The following NEMP2 variants were observed in gnomAD, a reference collection of about 807,000 sequenced individuals.
NEMP2 encodes nuclear envelope integral membrane protein 2.
In NEMP2, 53 loss-of-function variants were observed where a neutral mutation model predicts 54.2. The ratio of observed to expected loss-of-function variants is 0.98; its 90% CI spans 0.78 to 1.23. The LOEUF (loss-of-function observed/expected upper bound fraction) is 1.23. Among genes scored for constraint, NEMP2 ranks in the 50% most tolerant of loss-of-function variants. NEMP2 has a pLI of 0.00. For synonymous variants in NEMP2, 197 were observed against 190.3 expected (o/e 1.04, Z -0.29); for missense variants, 455 against 511.3 (o/e 0.89, Z 1.06).
At chr2:190,482,877 T>TG in the NEMP2 span, among the ~76,000 whole-genome samples, 2 of 28,230 alleles carry the variant, frequency 7.1e-5, no homozygotes, top group Non-Finnish European at 1.9e-4. Flanking sequence ...TCTTTTTTTT[T>TG]TTTTTTTTTT....
the NEMP2 span, among the ~76,000 whole-genome samples, chr2:190,583,484 G>C: frequency 2.2e-4 from 33 of 152,312 alleles, 1 homozygote; most frequent in South Asian, 6.4e-3. Flanking sequence ...GTCTTCCTTA[G>C]ATAAATACTG....
chr2:190,615,678 G>A, the NEMP2 span, among the ~76,000 whole-genome samples: 1 of 152,160 alleles, frequency 6.6e-6, no homozygotes, highest in African/African-American at 2.4e-5. The surrounding 1 kb of genome is among the most constrained non-coding windows in gnomAD (Gnocchi z 4.7). Flanking sequence ...TTCCAAACCT[G>A]TAATCACTAG....
At chr2:190,458,968 T>C in the NEMP2 span, among the ~76,000 whole-genome samples, 2 of 152,188 alleles carry the variant, frequency 1.3e-5, no homozygotes, top group African/African-American at 4.8e-5. This position sits in a 1 kb window ranked among gnomAD's most constrained non-coding sequence, Gnocchi z 5.3. Context: ...TAGCAGAAGG[T>C]AAAACAAGAA....
the NEMP2 span, among the ~76,000 whole-genome samples, chr2:190,586,068 A>G: frequency 6.6e-6 from 1 of 152,262 alleles, no homozygotes; most frequent in African/African-American, 2.4e-5. The surrounding 1 kb of genome is among the most constrained non-coding windows in gnomAD (Gnocchi z 4.5). Flanking sequence ...TTTTCTCTCC[A>G]TCAGTTCAGA....
the NEMP2 span, among the ~76,000 whole-genome samples, chr2:190,428,347 A>G: frequency 6.6e-5 from 10 of 152,310 alleles, no homozygotes; most frequent in East Asian, 1.7e-3. Context: ...TGGTTGTCAT[A>G]GGGTCTTACA....
At chr2:190,518,358 T>C (rs942279389) in intron 4 of NEMP2, among the ~76,000 whole-genome samples, 4 of 152,250 alleles carry the variant, frequency 2.6e-5, no homozygotes, top group African/African-American at 7.2e-5. Context: ...TCTAATGTAA[T>C]AGAGCAAGGT....
chr2:190,453,842 A>G, the NEMP2 span, among the ~76,000 whole-genome samples: 2 of 152,188 alleles, frequency 1.3e-5, no homozygotes, highest in Non-Finnish European at 2.9e-5. Flanking sequence ...GGTAAGTGCA[A>G]TGTAAACTGA....
chr2:190,530,479 A>T lies in NEMP2; in HGVS notation c.97+4080T>A, dbSNP rs1194430072. 1.3e-5 allele frequency among the ~76,000 whole-genome samples: 2 copies of T among 152,224 alleles called. No individual in the cohort carries two copies. The highest frequency in any genetic ancestry group is 2.9e-5 in the Non-Finnish European group (2 of 68,046). On this transcript the variant is annotated intron_variant, in intron 1 of 8. Transcript: ENST00000409150. This position sits in a 1 kb window ranked among gnomAD's most constrained non-coding sequence, Gnocchi z 4.6. The stretch of plus-strand genomic sequence containing the variant: ...CACAAGCCTAGCTTCAAGTCAGTTC[A>T]TTAAGCCACGGGCTATTTGGACTAG...
In NEMP2 at chr2:190,512,334, T is replaced by C. The variant is rs1319246852; in HGVS notation, c.954-1797A>G. On this transcript the variant is annotated intron_variant, in intron 7 of 8. Transcript: ENST00000409150. The surrounding 1 kb of genome is among the most constrained non-coding windows in gnomAD (Gnocchi z 4.5). ...ATATTTTGTGTAGGGTTCTTAGCAC[T>C]GTAAGTGGCCTATAGTAGGTGTTCA... Among the ~76,000 whole-genome samples the C allele has an allele frequency of 2.0e-5, 3 of 152,198 alleles. No homozygotes were observed. Among genetic ancestry groups the C allele is most frequent in the Non-Finnish European group, 4.4e-5 (3 of 68,022 alleles).
chr2:190,540,716 G>A, the NEMP2 span, among the ~76,000 whole-genome samples: 1 of 152,182 alleles, frequency 6.6e-6, no homozygotes, highest in Non-Finnish European at 1.5e-5. Context: ...TCCTTATCTG[G>A]TTTTGGTGTC....
the NEMP2 span, chr2:190,436,613 T>C: frequency 3.7e-6 from 6 of 1,614,170 alleles, no homozygotes; most frequent in Non-Finnish European, 5.1e-6. This position sits in a 1 kb window ranked among gnomAD's most constrained non-coding sequence, Gnocchi z 5.3. Flanking sequence ...TCACCAAAAA[T>C]GCGTGAGAAA....
chr2:190,569,756 T>C, the NEMP2 span, among the ~76,000 whole-genome samples: 4 of 152,262 alleles, frequency 2.6e-5, no homozygotes, highest in Non-Finnish European at 2.9e-5. Context: ...AAATGCCCTA[T>C]GTGAAATAAG....
chr2:190,577,136 GA>G, the NEMP2 span, among the ~76,000 whole-genome samples: 1 of 151,938 alleles, frequency 6.6e-6, no homozygotes, highest in Non-Finnish European at 1.5e-5. The surrounding 1 kb of genome is among the most constrained non-coding windows in gnomAD (Gnocchi z 4.8). Context: ...CGTTAGTGGG[GA>G]AAAATGGAAT....
At chr2:190,463,591 T>C in the NEMP2 span, among the ~76,000 whole-genome samples, 6 of 152,146 alleles carry the variant, frequency 3.9e-5, no homozygotes, top group South Asian at 1.2e-3. This position sits in a 1 kb window ranked among gnomAD's most constrained non-coding sequence, Gnocchi z 4.4. Flanking sequence ...GAGGCTGAGA[T>C]AGGAGGATTG....
chr2:190,503,756 C>T (rs1047518626), downstream of NEMP2, among the ~76,000 whole-genome samples: 13 of 152,170 alleles, frequency 8.5e-5, no homozygotes, highest in African/African-American at 3.1e-4. This position sits in a 1 kb window ranked among gnomAD's most constrained non-coding sequence, Gnocchi z 6.3. Context: ...AATTCCAAAC[C>T]ATGGGGCAGT....
chr2:190,590,229 C>T, the NEMP2 span, among the ~76,000 whole-genome samples: 28 of 152,210 alleles, frequency 1.8e-4, no homozygotes, highest in African/African-American at 6.3e-4. The surrounding 1 kb of genome is among the most constrained non-coding windows in gnomAD (Gnocchi z 5.1). Context: ...TTCCCTCTCA[C>T]GACAGTCCAT....
At chr2:190,428,839 A>AT in the NEMP2 span, among the ~76,000 whole-genome samples, 3 of 151,658 alleles carry the variant, frequency 2.0e-5, no homozygotes, top group South Asian at 2.1e-4. Flanking sequence ...TGCCTGGCTA[A>AT]TTTTTTTAGT....
chr2:190,627,537 C>T, the NEMP2 span, among the ~76,000 whole-genome samples: 1 of 150,422 alleles, frequency 6.6e-6, no homozygotes, highest in African/African-American at 2.5e-5. This position sits in a 1 kb window ranked among gnomAD's most constrained non-coding sequence, Gnocchi z 4.4. Context: ...CAAGTAATAA[C>T]ATATTCATAT....
At chr2:190,570,736 T>C in the NEMP2 span, among the ~76,000 whole-genome samples, 10 of 152,314 alleles carry the variant, frequency 6.6e-5, no homozygotes, top group East Asian at 1.9e-3. The surrounding 1 kb of genome is among the most constrained non-coding windows in gnomAD (Gnocchi z 5.4). Context: ...GCAAAATGTG[T>C]TCTTTTAGTG....
Sources: allele counts gnomAD v4.1 joint callset (sites outside exome capture counted in the v4.1 genomes callset), GRCh38; gene constraint gnomAD v4.1.1; non-coding constraint Gnocchi (gnomAD v3.1); transcripts MANE v1.5; gene names NCBI Gene and HGNC (gene_info 2026-07-23, HGNC 2026-07-21).